Variants in USP6 observed in about 807,000 individuals in gnomAD.
USP6 encodes ubiquitin specific peptidase 6, also known as ubiquitin carboxyl-terminal hydrolase 6.
USP6 carries 128 observed loss-of-function variants against 175.7 expected under a neutral mutation model. The observed-to-expected ratio is 0.73, with a 90% CI of 0.63 to 0.84. USP6 has a LOEUF of 0.84. Ranked by LOEUF, USP6 falls within the 40% of genes least tolerant of loss-of-function variation. The pLI is 0.00. For missense variants in USP6, 1,498 were observed against 1,760.3 expected (o/e 0.85, Z 2.67); for synonymous variants, 562 against 630.6 (o/e 0.89, Z 1.63).
chr17:5,135,334 A>G (rs1285844242), intron 16 of USP6, 52 bp downstream of exon 16: 1 of 1,600,100 alleles, frequency 6.2e-7, no homozygotes, highest in Admixed American at 1.7e-5. Flanking sequence ...TATTCACAGG[A>G]GTGGGTGTCT....
chr17:5,143,964 T>C (rs1012538866), intron 25 of USP6, among the ~76,000 whole-genome samples: 5 of 152,122 alleles, frequency 3.3e-5, no homozygotes, highest in African/African-American at 1.2e-4. Flanking sequence ...TGAATGAAAC[T>C]AATGAATATA....
Position 5,170,695 on chromosome 17 carries a change from G to T in USP6, c.3734G>T (p.Arg1245Leu). ...TGTGAGCTGGCTGACGCCTTGAGCCGAGGGCATATGCGGGGGGGCAGCCAA... is the reference window on the plus strand; with the variant it reads ...TGTGAGCTGGCTGACGCCTTGAGCCTAGGGCATATGCGGGGGGGCAGCCAA... The part of the protein sequence containing the change: ...QICELADALS[R>L]GHMRGGSQPE... The change falls in exon 36 of 38, where the codon CGA becomes CTA. Residue 1245 changes from arginine to leucine, a missense_variant. By Grantham distance (102) the Arg-to-Leu change is moderately radical. This residue lies in a region of USP6 where 1,217 missense variants were observed against 1,500.8 expected (regional missense o/e 0.81). Coordinates refer to ENST00000574788, the MANE Select transcript of USP6 (RefSeq NM_001304284.2). 1 of 1,613,956 alleles carries T rather than the reference G, an allele frequency of 6.2e-7. No homozygotes were observed. The highest frequency in any genetic ancestry group is 8.5e-7 in the Non-Finnish European group (1 of 1,179,866).
Position 5,120,752 on chromosome 17 carries a change from G to C in USP6, c.-1711G>C, listed in dbSNP as rs894435162. 28 of 441,246 alleles carry C rather than the reference G, an allele frequency of 6.3e-5. No individual in the cohort carries two copies. The highest frequency in any genetic ancestry group is 5.6e-4 in the African/African-American group (28 of 49,838). 27.3% of individuals were successfully genotyped at this position (441,246 alleles called of 1,614,324 possible). ...ACCAGGACAAGAAATTGGTGGAGAA[G>C]AGCTACAAGGATGCCAAGGGCTGTT... is the stretch of plus-strand genomic sequence containing the variant. On this transcript the variant is annotated 5_prime_UTR_variant, in exon 3 of 38. Transcript: ENST00000574788.
chr17:5,132,992 T>C lies in USP6; in HGVS notation c.276+2T>C. 2 of 1,613,918 alleles carry C rather than the reference T, an allele frequency of 1.2e-6. No individual in the cohort carries two copies. On this transcript the variant is annotated splice_donor_variant, in intron 13 of 37. Coordinates refer to ENST00000574788, the MANE Select transcript of USP6 (RefSeq NM_001304284.2). LOFTEE classifies it high-confidence loss of function. The surrounding 1 kb of genome is among the most constrained non-coding windows in gnomAD (Gnocchi z 4.7). The stretch of plus-strand genomic sequence containing the variant: ...GAGACATATAAGCACAGTAGCAAAG[T>C]AATGTGTGGAGGGAGAGGCCCCTGG...
rs574978934 is a variant in USP6 at position 5,162,912 on chromosome 17, G to A, written c.2944G>A (p.Gly982Arg). 12 of 1,606,962 alleles carry A rather than the reference G, an allele frequency of 7.5e-6. No individual in the cohort carries two copies. In the African/African-American group the frequency reaches 1.5e-4, roughly 20 times the overall value. ...RFCRGCKIDC[G>R]EDRAFIGNAY... ...TTGCAGAGGCTGTAAAATTGATTGT[G>A]GGGAAGACAGAGCTTTCATTGGAAA... is the stretch of plus-strand genomic sequence containing the variant. Residue 982 changes from glycine to arginine, a missense_variant, in exon 33 of 38, where the codon GGG (glycine) becomes AGG (arginine). Transcript: ENST00000574788.
At chr17:5,141,042 A>G (rs1273079833) in intron 22 of USP6, among the ~76,000 whole-genome samples, 1 of 152,218 alleles carries the variant, frequency 6.6e-6, no homozygotes, top group African/African-American at 2.4e-5. Context: ...CCATAAGATT[A>G]TAATACTGTA....
intron 19 of USP6, among the ~76,000 whole-genome samples, chr17:5,137,443 C>A (rs544864092): frequency 2.6e-5 from 4 of 152,326 alleles, no homozygotes; most frequent in South Asian, 4.1e-4. Context: ...TGGGCAAGCC[C>A]CTCTCTCCAG....
chr17:5,165,579 TCAAAACAAAA>T (rs752963166), intron 33 of USP6, among the ~76,000 whole-genome samples: 9 of 151,856 alleles, frequency 5.9e-5, no homozygotes, highest in Middle Eastern at 3.4e-3. Context: ...AGACCCTGTC[TCAAAACAAAA>T]CAAAACAAAA....
chr17:5,128,069 G>A (rs2072946816), intron 7 of USP6, among the ~76,000 whole-genome samples: 1 of 152,216 alleles, frequency 6.6e-6, no homozygotes, highest in Non-Finnish European at 1.5e-5. Flanking sequence ...TGGGCATCTG[G>A]ACGCCCTGTC....
Position 5,133,454 on chromosome 17 carries a change from A to T in USP6, c.288A>T (p.Arg96=). ...TYKHSSKLID[R]VYKGIPMNIR... ...TTTTCTGCCCACAGCTCATAGATCG[A>T]GTGTACAAGGGAATTCCCATGAACA... Residue 96 remains arginine (R), a synonymous_variant, in exon 14 of 38, where the codon CGA becomes CGT. Transcript: ENST00000574788. 6.2e-7 allele frequency: 1 copy of T among 1,611,388 alleles called. No homozygotes were observed. The highest frequency in any genetic ancestry group is 1.1e-5 in the South Asian group (1 of 90,976).
rs1598006876 is a variant in USP6, at chr17:5,134,900, G to A, written c.495-334G>A. 7 of 356,792 alleles carry A rather than the reference G, an allele frequency of 2.0e-5. No individual in the cohort carries two copies. The East Asian group carries it at 5.0e-4, about 26-fold the overall frequency. 22.1% of individuals were successfully genotyped at this position (356,792 alleles called of 1,614,324 possible). A position where few individuals can be genotyped will look rare whatever the true frequency, so the allele number is the denominator to read the frequency against. On this transcript the variant is annotated intron_variant, in intron 15 of 37. Transcript: ENST00000574788. ...TTTGGAAGATGATGGAGTCGCTCCA[G>A]GAGGGGCTGGAGCGGTGGCCGGGAG...
At chr17:5,136,168 T>G (rs1337873513) in intron 17 of USP6, among the ~76,000 whole-genome samples, 1 of 152,176 alleles carries the variant, frequency 6.6e-6, no homozygotes, top group African/African-American at 2.4e-5. Flanking sequence ...ACCCTCTGTG[T>G]CCTGGAGCCA....
intron 30 of USP6, among the ~76,000 whole-genome samples, chr17:5,151,182 A>G (rs143764832): frequency 0.02 from 3,048 of 152,316 alleles, 48 homozygotes; most frequent in Non-Finnish European, 0.031. Flanking sequence ...AACTACAGAT[A>G]TTATTTATCT....
intron 4 of USP6, among the ~76,000 whole-genome samples, chr17:5,124,023 A>C (rs1319640786): frequency 6.6e-6 from 1 of 152,186 alleles, no homozygotes; most frequent in Non-Finnish European, 1.5e-5. Context: ...CCATAGAAGT[A>C]ATCAGGGGAC....
At chr17:5,145,613 C>A in intron 27 of USP6, 34 bp downstream of exon 27, 3 of 1,532,226 alleles carry the variant, frequency 2.0e-6, no homozygotes, top group Non-Finnish European at 2.6e-6. Flanking sequence ...TTACTTGATT[C>A]CATTAAATTT....
In USP6 at chr17:5,130,235, CT is replaced by C. The variant is rs1357829058; in HGVS notation, c.-1-127del. ...AGGTGTGGGCCATGGGGTTTGGCCC[CT>C]TTTTACCGGAGTGCAGTGGTGGAAT... On this transcript the variant is annotated intron_variant, in intron 9 of 37. Coordinates refer to ENST00000574788, the MANE Select transcript of USP6 (RefSeq NM_001304284.2). 3 of 849,564 alleles carry C rather than the reference CT, an allele frequency of 3.5e-6. No homozygotes were observed. The African/African-American group carries it at 5.0e-5, about 14-fold the overall frequency. The allele number at this position is 849,564 out of a possible 1,614,324, so 52.6% of individuals were successfully genotyped here.
chr17:5,169,961 C>T (rs569082214), intron 35 of USP6, among the ~76,000 whole-genome samples: 17 of 152,038 alleles, frequency 1.1e-4, no homozygotes, highest in African/African-American at 4.1e-4. Flanking sequence ...TAAAGGTTCT[C>T]AATAATTTTT....
chr17:5,133,685 G>A lies in USP6; in HGVS notation c.384+135G>A, dbSNP rs1173829852. The A allele has an allele frequency of 5.6e-5, 66 of 1,179,234 alleles. 2 individuals are homozygous for A. Among genetic ancestry groups the A allele is most frequent in the South Asian group, 4.3e-4 (33 of 76,044 alleles). 73.0% of individuals were successfully genotyped at this position (1,179,234 alleles called of 1,614,324 possible). Reference sequence around the variant, plus strand: ...TTAGATGCACATCCTGGGCATGGACGGTGACACAGTCACCACAGACAAACT... The same window carrying A: ...TTAGATGCACATCCTGGGCATGGACAGTGACACAGTCACCACAGACAAACT... On this transcript the variant is annotated intron_variant, in intron 14 of 37. Transcript: ENST00000574788.
rs752871368 is a variant in USP6, at chr17:5,139,689, C to T, written c.1498+15C>T. 1.2e-5 allele frequency: 20 copies of T among 1,603,808 alleles called. No individual in the cohort carries two copies. The highest frequency in any genetic ancestry group is 1.4e-5 in the Non-Finnish European group (17 of 1,179,960). On this transcript the variant is annotated intron_variant, in intron 22 of 37. Coordinates refer to ENST00000574788, the MANE Select transcript of USP6 (RefSeq NM_001304284.2). ...CTGCGGAGAGGGTGAGGTTGGCTTT[C>T]ACTGCACTGAGCCACAATGTGGGCA...
Sources: gnomAD v4.1 joint callset for allele counts (sites outside exome capture counted in the v4.1 genomes callset) on GRCh38, gnomAD v4.1.1 for gene constraint, gnomAD v4.1.1 regional missense constraint, Gnocchi (gnomAD v3.1) non-coding constraint, MANE v1.5 for transcripts, NCBI Gene and HGNC (gene_info 2026-07-23, HGNC 2026-07-21) for gene names.